The following ITCH variants were observed in gnomAD, a reference collection of about 807,000 sequenced individuals.
The protein encoded by ITCH is itchy E3 ubiquitin protein ligase.
In ITCH, 28 loss-of-function variants were observed where a neutral mutation model predicts 126.8. The ratio of observed to expected loss-of-function variants is 0.22; its 90% confidence interval spans 0.16 to 0.30. The LOEUF is 0.30. ITCH is among the 10% of genes least tolerant of loss of function. The pLI is 1.00. For missense variants in ITCH, 631 were observed against 1,032.4 expected (o/e 0.61, Z 5.33); for synonymous variants, 342 against 340.0 (o/e 1.01, Z -0.06).
intron 9 of ITCH, among the ~76,000 whole-genome samples, chr20:34,440,776 T>G (rs188123016): frequency 0.011 from 1,636 of 152,208 alleles, 21 homozygotes; most frequent in Middle Eastern, 0.034. Context: ...TAACTGATTT[T>G]GGGGGATCTG....
chr20:34,497,393 CTATTA>C (rs1289250610), intron 23 of ITCH, among the ~76,000 whole-genome samples: 3 of 152,102 alleles, frequency 2.0e-5, no homozygotes, highest in African/African-American at 7.2e-5. Flanking sequence ...TATGTGTCTG[CTATTA>C]TGCCAGTACC....
At chr20:34,490,439 G>C (rs901508930) in intron 22 of ITCH, among the ~76,000 whole-genome samples, 5 of 152,302 alleles carry the variant, frequency 3.3e-5, no homozygotes, top group Admixed American at 3.3e-4. Context: ...GGGAGGCTGA[G>C]GCGGGTGGAT....
chr20:34,434,223 A>G (rs1601891252), intron 7 of ITCH, among the ~76,000 whole-genome samples: 1 of 151,876 alleles, frequency 6.6e-6, no homozygotes, highest in Admixed American at 6.5e-5. Context: ...CGGGAGGATC[A>G]TGTGAGTCTG....
chr20:34,442,368 T>G lies in ITCH; in HGVS notation c.965+65T>G. On this transcript the variant is annotated intron_variant, in intron 10 of 24. Transcript: ENST00000374864. ...AGAATTGTGGATTACAACTGTATAA[T>G]CTTCCCTACATTTCTGTTTTACTTT... 4 of 1,140,276 alleles carry G rather than the reference T, an allele frequency of 3.5e-6. No individual in the cohort carries two copies. The East Asian group carries it at 9.7e-5, about 28-fold the overall frequency. The allele number at this position is 1,140,276 out of a possible 1,614,324, so 70.6% of individuals were successfully genotyped here.
intron 2 of ITCH, among the ~76,000 whole-genome samples, chr20:34,374,195 G>A (rs554722244): frequency 6.6e-6 from 1 of 152,122 alleles, no homozygotes; most frequent in African/African-American, 2.4e-5. Flanking sequence ...GCCTTCATTC[G>A]TGCAAAGAAA....
chr20:34,443,742 T>TG (rs955452794), intron 10 of ITCH, among the ~76,000 whole-genome samples: 32 of 152,140 alleles, frequency 2.1e-4, no homozygotes, highest in Admixed American at 9.8e-4. Context: ...CCTAGCACTT[T>TG]GGGGGGACAA....
At chr20:34,425,570 C>T (rs925768387) in intron 7 of ITCH, among the ~76,000 whole-genome samples, 5 of 152,210 alleles carry the variant, frequency 3.3e-5, no homozygotes, top group African/African-American at 1.2e-4. Context: ...GAGAAAACCG[C>T]CCCGTGGCTG....
chr20:34,469,968 G>A (rs1987462226), intron 14 of ITCH, 80 bp from the exon 15 acceptor site: 1 of 1,013,954 alleles, frequency 9.9e-7, no homozygotes. Flanking sequence ...TGCTGAGAGA[G>A]GGTGGGATAT....
intron 2 of ITCH, among the ~76,000 whole-genome samples, chr20:34,383,959 C>T (rs1601768785): frequency 6.9e-6 from 1 of 145,174 alleles, no homozygotes; most frequent in Admixed American, 7.4e-5. Context: ...ATTCTTCTGT[C>T]TCAGCCTCCC....
chr20:34,438,362 T>C (rs1403996952), intron 7 of ITCH, 112 bp from the exon 8 acceptor site: 20 of 1,139,244 alleles, frequency 1.8e-5, no homozygotes, highest in East Asian at 1.4e-4. Context: ...AAAAGCTTTT[T>C]TGAAGCTCTT....
chr20:34,418,744 T>C (rs1432487106), intron 6 of ITCH, among the ~76,000 whole-genome samples: 1 of 146,436 alleles, frequency 6.8e-6, no homozygotes, highest in Non-Finnish European at 1.5e-5. Context: ...CTTTCTTTCT[T>C]TTTCTTTTTT....
chr20:34,432,123 A>G (rs1982389343), intron 7 of ITCH, among the ~76,000 whole-genome samples: 1 of 152,008 alleles, frequency 6.6e-6, no homozygotes, highest in African/African-American at 2.4e-5. Context: ...TCTTAGATTA[A>G]TAAGCTAGGG....
chr20:34,442,022 T>C, intron 9 of ITCH, 186 bp from the exon 10 acceptor site: 3 of 623,716 alleles, frequency 4.8e-6, no homozygotes, highest in Non-Finnish European at 8.7e-6. Flanking sequence ...GAATTCACTG[T>C]GTGCCACTGC....
At chr20:34,409,952 G>T (rs541072903) in intron 4 of ITCH, among the ~76,000 whole-genome samples, 1 of 151,976 alleles carries the variant, frequency 6.6e-6, no homozygotes, top group East Asian at 1.9e-4. Flanking sequence ...ATTGTGTGAG[G>T]CCAGGAGTTC....
intron 16 of ITCH, chr20:34,475,775 T>C: frequency 1.6e-6 from 1 of 620,538 alleles, no homozygotes; most frequent in Non-Finnish European, 2.9e-6. Flanking sequence ...CTTTCAAGAA[T>C]GACAAAATTT....
intron 12 of ITCH, among the ~76,000 whole-genome samples, chr20:34,457,007 A>G (rs1986071117): frequency 6.6e-6 from 1 of 152,022 alleles, no homozygotes; most frequent in African/African-American, 2.4e-5. Flanking sequence ...TATTTAACCT[A>G]TCTGAGTTTT....
chr20:34,489,692 T>G, intron 21 of ITCH, 130 bp from the exon 22 acceptor site: 1 of 747,730 alleles, frequency 1.3e-6, no homozygotes, highest in Admixed American at 2.0e-5. Flanking sequence ...ATATAATTCT[T>G]GATGTATAGT....
rs189665077 is a variant in ITCH, at chr20:34,485,265, A to C, written c.2094-4001A>C. ...TAAAGCTGCTATAAACATTCTTGTGATATCTTTTTGTGGACATATTTTTCT... is the reference window on the plus strand; with the variant it reads ...TAAAGCTGCTATAAACATTCTTGTGCTATCTTTTTGTGGACATATTTTTCT... On this transcript the variant is annotated intron_variant, in intron 20 of 24. Transcript: ENST00000374864. Among the ~76,000 whole-genome samples, 633 of 152,150 alleles carry C rather than the reference A, an allele frequency of 4.2e-3. 6 individuals carry two copies. The highest frequency in any genetic ancestry group is 7.5e-3 in the Non-Finnish European group (508 of 67,992).
intron 22 of ITCH, among the ~76,000 whole-genome samples, chr20:34,492,082 T>C (rs1233957300): frequency 6.6e-6 from 1 of 152,174 alleles, no homozygotes; most frequent in African/African-American, 2.4e-5. Flanking sequence ...GAGCTCTTGG[T>C]CTCAGTCCAT....
Sources: gnomAD v4.1 joint callset for allele counts (sites outside exome capture counted in the v4.1 genomes callset) on GRCh38, gnomAD v4.1.1 for gene constraint, MANE v1.5 for transcripts, NCBI Gene and HGNC (gene_info 2026-07-23, HGNC 2026-07-21) for gene names.